FIGN: variants seen among roughly 807,000 people sequenced by gnomAD.
The protein encoded by FIGN is fidgetin.
Under a neutral mutation model 51.3 loss-of-function variants are expected in FIGN, and 11 were observed. The observed-to-expected ratio is 0.21, with a 90% confidence interval of 0.13 to 0.35. The LOEUF is 0.35. Among genes scored for constraint, FIGN ranks in the 10% least tolerant of loss-of-function variants. The pLI, the probability that FIGN is intolerant of heterozygous loss-of-function variation, is 1.00. For missense variants in FIGN, 857 were observed against 943.6 expected (o/e 0.91, Z 1.20); for synonymous variants, 407 against 363.2 (o/e 1.12, Z -1.37).
intron 2 of FIGN, among the ~76,000 whole-genome samples, chr2:163,691,764 A>G (rs1170852129): frequency 6.6e-6 from 1 of 151,680 alleles, no homozygotes; most frequent in Non-Finnish European, 1.5e-5. Flanking sequence ...CCTTCTGAGC[A>G]TTAAAAACAA....
chr2:163,674,820 C>CA (rs534060603), intron 2 of FIGN, among the ~76,000 whole-genome samples: 413 of 145,846 alleles, frequency 2.8e-3, no homozygotes, highest in Middle Eastern at 7.3e-3. Flanking sequence ...ACATTCTTGA[C>CA]AAAAAAAAAA....
intron 2 of FIGN, among the ~76,000 whole-genome samples, chr2:163,688,137 A>C (rs1390754275): frequency 6.6e-6 from 1 of 152,224 alleles, no homozygotes; most frequent in African/African-American, 2.4e-5. Context: ...TTCACTCTTT[A>C]CTGAAGTGAA....
At chr2:163,677,799 C>G (rs1683995399) in intron 2 of FIGN, among the ~76,000 whole-genome samples, 1 of 152,158 alleles carries the variant, frequency 6.6e-6, no homozygotes, top group Non-Finnish European at 1.5e-5. Context: ...AGCTAGGTAA[C>G]TTTAAGTCAC....
chr2:163,663,120 C>T (rs1683716696), intron 2 of FIGN, among the ~76,000 whole-genome samples: 1 of 152,022 alleles, frequency 6.6e-6, no homozygotes, highest in South Asian at 2.1e-4. Context: ...GGGGTTTCAC[C>T]ATGTTGGCCA....
chr2:163,645,304 G>A (rs958541845), intron 2 of FIGN, among the ~76,000 whole-genome samples: 1 of 152,080 alleles, frequency 6.6e-6, no homozygotes, highest in Non-Finnish European at 1.5e-5. Context: ...AGGAAACAAG[G>A]TTGAGCTCCC....
intron 2 of FIGN, among the ~76,000 whole-genome samples, chr2:163,692,882 C>T (rs1040276444): frequency 2.0e-5 from 3 of 152,244 alleles, no homozygotes; most frequent in Admixed American, 1.3e-4. Context: ...TAAGAATCTG[C>T]GAAGAAAAAG....
chr2:163,671,462 G>A (rs77427542), intron 2 of FIGN, among the ~76,000 whole-genome samples: 1 of 152,050 alleles, frequency 6.6e-6, no homozygotes, highest in Non-Finnish European at 1.5e-5. Context: ...TGATATCTTG[G>A]GACAAACTAC....
At chr2:163,732,513 G>T (rs1684947053) in intron 2 of FIGN, among the ~76,000 whole-genome samples, 1 of 152,076 alleles carries the variant, frequency 6.6e-6, no homozygotes, top group African/African-American at 2.4e-5. Context: ...TGAACAATCT[G>T]TGTTCAAAAC....
rs566640766 is a variant in FIGN at position 163,698,000 on chromosome 2, C to G, written c.25+36903G>C. ...GGGAGATAGATGGAAAAGGGCACTCCCTTCCTGCTCACAGTGCACCACCGC... is the reference window on the plus strand; with the variant it reads ...GGGAGATAGATGGAAAAGGGCACTCGCTTCCTGCTCACAGTGCACCACCGC... On this transcript the variant is annotated intron_variant, in intron 2 of 2. Transcript: ENST00000333129. Among the ~76,000 whole-genome samples the G allele has an allele frequency of 1.3e-4, 20 of 152,192 alleles. No homozygotes were observed. In the East Asian group the frequency reaches 3.9e-3, roughly 30 times the overall value.
chr2:163,680,732 C>T (rs150159230), intron 2 of FIGN, among the ~76,000 whole-genome samples: 273 of 152,188 alleles, frequency 1.8e-3, no homozygotes, highest in African/African-American at 5.8e-3. Flanking sequence ...CCCAGAGCTT[C>T]ATGCAGCCTC....
intron 2 of FIGN, among the ~76,000 whole-genome samples, chr2:163,729,820 C>CATAAATACAT (rs1684897288): frequency 1.3e-5 from 2 of 152,166 alleles, no homozygotes; most frequent in Admixed American, 6.5e-5. Flanking sequence ...TTGAAATTCT[C>CATAAATACAT]CTTTGGATTT....
rs770403277 is a variant in FIGN, at chr2:163,713,852, GA to G, written c.25+21050del. Among the ~76,000 whole-genome samples the G allele has an allele frequency of 9.2e-5, 14 of 152,110 alleles. No individual in the cohort carries two copies. The East Asian group carries it at 2.3e-3, about 25-fold the overall frequency. ...GCACAGTATTAACACAAAGAGGGGG[GA>G]AAAAAGAAAATTAAGAAGGTGACTG... On this transcript the variant is annotated intron_variant, in intron 2 of 2. Transcript: ENST00000333129.
Position 163,609,529 on chromosome 2 carries a change from A to ATT in FIGN, c.*21_*22dup. 2.7e-6 allele frequency: 4 copies of ATT among 1,497,902 alleles called. No individual in the cohort carries two copies. The highest frequency in any genetic ancestry group is 1.4e-5 in the African/African-American group (1 of 71,398). The allele number at this position is 1,497,902 out of a possible 1,614,324, so 92.8% of individuals were successfully genotyped here. ...ATGTGTGTGTGCCAACATTCATTACATTTTTTTTTTCTAAAGAAGTTATCA... is the reference window on the plus strand; with the variant it reads ...ATGTGTGTGTGCCAACATTCATTACATTTTTTTTTTTTCTAAAGAAGTTATCA... On this transcript the variant is annotated 3_prime_UTR_variant, in exon 3 of 3. Transcript: ENST00000333129.
Position 163,702,159 on chromosome 2 carries a change from C to T in FIGN, c.25+32744G>A, listed in dbSNP as rs764789371. ...CAGCAGAGACAGATCTACCATGAAG[C>T]GTAATGAAGCTGATCCTCACTAAAT... is the stretch of plus-strand genomic sequence containing the variant. On this transcript the variant is annotated intron_variant, in intron 2 of 2. Coordinates refer to ENST00000333129, the MANE Select transcript of FIGN (RefSeq NM_018086.4). Among the ~76,000 whole-genome samples, 9 of 152,200 alleles carry T rather than the reference C, an allele frequency of 5.9e-5. No homozygotes were observed. In the East Asian group the frequency reaches 1.2e-3, roughly 20 times the overall value.
At chr2:163,612,962 G>A (rs1413422066) in intron 2 of FIGN, among the ~76,000 whole-genome samples, 1 of 151,968 alleles carries the variant, frequency 6.6e-6, no homozygotes, top group East Asian at 1.9e-4. Context: ...GTTACTAAGT[G>A]AAGCAAAGTT....
intron 2 of FIGN, chr2:163,612,688 G>T: frequency 2.5e-6 from 2 of 791,316 alleles, no homozygotes; most frequent in Non-Finnish European, 3.0e-6. Flanking sequence ...ACTAAGAGGG[G>T]AGAATGTGTG....
intron 2 of FIGN, among the ~76,000 whole-genome samples, chr2:163,720,998 A>G (rs1684748158): frequency 6.6e-6 from 1 of 152,118 alleles, no homozygotes; most frequent in Non-Finnish European, 1.5e-5. Context: ...AAATAAAAAG[A>G]AAGGGAAGGA....
chr2:163,651,123 A>G (rs1205253040), intron 2 of FIGN, among the ~76,000 whole-genome samples: 1 of 152,186 alleles, frequency 6.6e-6, no homozygotes, highest in Non-Finnish European at 1.5e-5. Context: ...GCTTTTATAC[A>G]TTTTATAGTC....
At chr2:163,712,815 A>G (rs1489268148) in intron 2 of FIGN, among the ~76,000 whole-genome samples, 1 of 152,220 alleles carries the variant, frequency 6.6e-6, no homozygotes, top group Non-Finnish European at 1.5e-5. Context: ...CCTCCAAAAG[A>G]AATGGACTAT....
Sources: allele counts gnomAD v4.1 joint callset (sites outside exome capture counted in the v4.1 genomes callset), GRCh38; gene constraint gnomAD v4.1.1; transcripts MANE v1.5; gene names NCBI Gene and HGNC (gene_info 2026-07-23, HGNC 2026-07-21).